Variants in DAB1 observed in about 807,000 individuals in gnomAD.
DAB1 encodes the protein disabled homolog 1.
In DAB1, 15 loss-of-function variants were observed where a neutral mutation model predicts 64.6. The observed-to-expected ratio is 0.23, with a 90% confidence interval of 0.16 to 0.36. The LOEUF (loss-of-function observed/expected upper bound fraction) is 0.36, where lower values mean the gene tolerates loss of function less well. Ranked by LOEUF, DAB1 falls within the 10% of genes least tolerant of loss-of-function variation. The pLI is 1.00. For missense variants in DAB1, 596 were observed against 706.7 expected (o/e 0.84, Z 1.78); for synonymous variants, 235 against 251.9 (o/e 0.93, Z 0.64).
At chr1:57,811,510 A>C (rs1187940126) in intron 6 of DAB1, among the ~76,000 whole-genome samples, 1 of 152,208 alleles carries the variant, frequency 6.6e-6, no homozygotes, top group Non-Finnish European at 1.5e-5. Context: ...TGCTAGCATC[A>C]TGCTTCCTGT....
chr1:58,196,518 T>G (rs923367081), intron 4 of DAB1, among the ~76,000 whole-genome samples: 1 of 152,222 alleles, frequency 6.6e-6, no homozygotes, highest in African/African-American at 2.4e-5. Flanking sequence ...CCAGGTATAT[T>G]AATCCATTTT....
chr1:57,008,620 T>A (rs1646168074), intron 14 of DAB1, among the ~76,000 whole-genome samples: 1 of 152,170 alleles, frequency 6.6e-6, no homozygotes, highest in African/African-American at 2.4e-5. Flanking sequence ...AATTATAAAA[T>A]CACAGCAGTG....
intron 3 of DAB1, among the ~76,000 whole-genome samples, chr1:58,367,775 G>A (rs1384472560): frequency 6.6e-6 from 1 of 152,192 alleles, no homozygotes; most frequent in Non-Finnish European, 1.5e-5. Context: ...GTCGGTGGAA[G>A]TAAGATAATG....
At chr1:57,898,967 T>C (rs1429219462) in intron 5 of DAB1, among the ~76,000 whole-genome samples, 1 of 152,066 alleles carries the variant, frequency 6.6e-6, no homozygotes, top group Non-Finnish European at 1.5e-5. Flanking sequence ...GGGGTAATGA[T>C]GTGGTGTGGG....
At chr1:57,906,904 C>G (rs11806286) in intron 5 of DAB1, among the ~76,000 whole-genome samples, 1,723 of 151,568 alleles carry the variant, frequency 0.011, 40 homozygotes, top group African/African-American at 0.04. Flanking sequence ...ATTTTCTTAG[C>G]AGACACACAT....
At chr1:57,274,003 T>A (rs1432615453) in intron 2 of DAB1, among the ~76,000 whole-genome samples, 1 of 152,186 alleles carries the variant, frequency 6.6e-6, no homozygotes, top group East Asian at 1.9e-4. Flanking sequence ...TTTTCTGAAA[T>A]GTACCAACCT....
chr1:57,424,233 CT>C (rs1685167310), upstream of DAB1, among the ~76,000 whole-genome samples: 1 of 150,928 alleles, frequency 6.6e-6, no homozygotes, highest in South Asian at 2.1e-4. Context: ...CCGTGAGCCC[CT>C]CGCCCCGGCC....
intron 5 of DAB1, among the ~76,000 whole-genome samples, chr1:58,148,490 T>C (rs1233771909): frequency 2.0e-5 from 3 of 152,230 alleles, no homozygotes; most frequent in Non-Finnish European, 4.4e-5. Context: ...CCTTGCAAAC[T>C]ACATTTTGAC....
At chr1:57,680,148 G>A (rs745946678) in intron 6 of DAB1, among the ~76,000 whole-genome samples, 7 of 152,182 alleles carry the variant, frequency 4.6e-5, no homozygotes, top group Non-Finnish European at 1.0e-4. Context: ...CTAGGTGGCA[G>A]CTACAAAAGC....
At chr1:57,388,788 A>C (rs1682100081) in intron 1 of DAB1, among the ~76,000 whole-genome samples, 1 of 151,834 alleles carries the variant, frequency 6.6e-6, no homozygotes, top group Admixed American at 6.6e-5. Flanking sequence ...ACCCCACATT[A>C]CTTTATCACT....
intron 7 of DAB1, among the ~76,000 whole-genome samples, chr1:57,482,497 A>AC (rs1373898415): frequency 6.6e-6 from 1 of 151,132 alleles, no homozygotes; most frequent in Non-Finnish European, 1.5e-5. Context: ...AAAAAAAAAA[A>AC]AAAAAAACAA....
At chr1:57,240,254 A>G (rs116331528) in intron 2 of DAB1, among the ~76,000 whole-genome samples, 1 of 152,334 alleles carries the variant, frequency 6.6e-6, no homozygotes, top group African/African-American at 2.4e-5. Flanking sequence ...TAAGGAAATG[A>G]GAATCTGATT....
At chr1:57,183,365 T>C (rs1054045926) in intron 2 of DAB1, among the ~76,000 whole-genome samples, 5 of 152,088 alleles carry the variant, frequency 3.3e-5, no homozygotes, top group South Asian at 2.1e-4. Context: ...GGAGGAACAC[T>C]GGAGAAATAC....
At chr1:58,463,644 G>T (rs1645266103) in intron 3 of DAB1, among the ~76,000 whole-genome samples, 1 of 152,162 alleles carries the variant, frequency 6.6e-6, no homozygotes, top group Non-Finnish European at 1.5e-5. Context: ...CTACGGCCTG[G>T]GCACATCCTG....
At position 58,386,056 on chromosome 1, in the gene DAB1, C is replaced by T. The variant is rs116033115; in HGVS notation, n.258-42653G>A. 6.4e-3 allele frequency among the ~76,000 whole-genome samples: 969 copies of T among 152,140 alleles called. 5 individuals carry two copies. The highest frequency in any genetic ancestry group is 0.015 in the African/African-American group (619 of 41,486). On this transcript the variant is annotated intron_variant and non_coding_transcript_variant, in intron 3 of 20. Transcript: ENST00000485760. The stretch of plus-strand genomic sequence containing the variant: ...AGCTCTACCTATCTAAGAGCGTTTT[C>T]GTATCATTAAAATAAAGGAAGGAAA...
intron 5 of DAB1, among the ~76,000 whole-genome samples, chr1:58,034,917 C>A (rs1557619510): frequency 6.6e-6 from 1 of 152,240 alleles, no homozygotes; most frequent in Non-Finnish European, 1.5e-5. Context: ...TATGTGCATG[C>A]TGCTTCTCCT....
At chr1:58,449,350 G>T (rs1280097489) in intron 3 of DAB1, among the ~76,000 whole-genome samples, 1 of 152,172 alleles carries the variant, frequency 6.6e-6, no homozygotes, top group East Asian at 1.9e-4. Context: ...AGGCTCTGCT[G>T]CTTTTTCTGC....
At chr1:58,177,051 G>C (rs1000920737) in intron 4 of DAB1, among the ~76,000 whole-genome samples, 3 of 151,894 alleles carry the variant, frequency 2.0e-5, no homozygotes, top group Non-Finnish European at 2.9e-5. Flanking sequence ...GAATTTTTTG[G>C]GGTACAGACA....
At chr1:58,300,676 GGA>G (rs1410363884) in intron 4 of DAB1, among the ~76,000 whole-genome samples, 10 of 138,150 alleles carry the variant, frequency 7.2e-5, no homozygotes, top group African/African-American at 2.9e-4. Flanking sequence ...AAGGAAGGAA[GGA>G]AGGAAGGAAG....
Sources: gnomAD v4.1 joint callset for allele counts (sites outside exome capture counted in the v4.1 genomes callset) on GRCh38, gnomAD v4.1.1 for gene constraint, MANE v1.5 for transcripts, NCBI Gene and HGNC (gene_info 2026-07-23, HGNC 2026-07-21) for gene names.